TNRC6A: variants seen among roughly 807,000 people sequenced by gnomAD.
TNRC6A encodes the protein trinucleotide repeat containing adaptor 6A.
Under a neutral mutation model 221.2 loss-of-function variants are expected in TNRC6A, and 44 were observed. That is an observed-to-expected ratio of 0.20 (90% CI 0.16 to 0.26). TNRC6A has a LOEUF of 0.26. TNRC6A is among the 10% of genes least tolerant of loss of function. TNRC6A has a pLI of 1.00. For synonymous variants in TNRC6A, 847 were observed against 838.5 expected, an observed-to-expected ratio of 1.01 and a Z score of -0.18; for missense variants, 2,199 against 2,404.4, an observed-to-expected ratio of 0.91 and a Z score of 1.79.
chr16:24,797,473 T>C lies in TNRC6A; in HGVS notation c.3562-17T>C. On this transcript the variant is annotated splice_polypyrimidine_tract_variant and intron_variant, in intron 9 of 24. Transcript: ENST00000395799. Reference sequence around the variant, plus strand: ...GAGATGGCCATGGCATCTTTTCTACTCTTTTATTTTACAAAGGGAATGATG... The same window carrying C: ...GAGATGGCCATGGCATCTTTTCTACCCTTTTATTTTACAAAGGGAATGATG... 1.3e-6 allele frequency: 2 copies of C among 1,599,578 alleles called. No individual in the cohort carries two copies. The highest frequency in any genetic ancestry group is 2.7e-5 in the African/African-American group (2 of 74,448).
In TNRC6A at chr16:24,656,336, G is replaced by A. The variant is rs1412324535; in HGVS notation, n.402+15327G>A. Among the ~76,000 whole-genome samples the A allele has an allele frequency of 5.9e-5, 9 of 151,376 alleles. No individual in the cohort carries two copies. In the East Asian group the frequency reaches 9.7e-4, roughly 16 times the overall value. On this transcript the variant is annotated intron_variant and non_coding_transcript_variant, in intron 2 of 2. Coordinates refer to the TNRC6A transcript ENST00000566108. Reference sequence around the variant, plus strand: ...AAAAAAATTAGCTGGGCATGGTGGCGCATGCCTGTAATCCCAGCTACACAG... The same window carrying A: ...AAAAAAATTAGCTGGGCATGGTGGCACATGCCTGTAATCCCAGCTACACAG...
chr16:24,794,513 G>A, intron 7 of TNRC6A, 31 bp from the exon 8 acceptor site: 1 of 1,589,922 alleles, frequency 6.3e-7, no homozygotes, highest in Middle Eastern at 1.7e-4. Context: ...ATTAAAGTAT[G>A]TTTCTCTTTA....
chr16:24,744,489 TTCAC>T (rs757986373), intron 2 of TNRC6A, among the ~76,000 whole-genome samples: 6 of 152,330 alleles, frequency 3.9e-5, no homozygotes, highest in South Asian at 2.1e-4. Context: ...CTTCTCTCCA[TTCAC>T]TCACTCAATC....
At position 24,788,719 on chromosome 16, in the gene TNRC6A, G is replaced by A. The variant is rs903430443; in HGVS notation, c.590-513G>A. On this transcript the variant is annotated intron_variant, in intron 5 of 24. Coordinates refer to ENST00000395799, the MANE Select transcript of TNRC6A (RefSeq NM_014494.4). ...GCTGGAGTGCAGTGGCACTATCTCC[G>A]CTCACTGCAAGCTCCGCCTCCCGGG... Among the ~76,000 whole-genome samples, 5 of 146,826 alleles carry A rather than the reference G, an allele frequency of 3.4e-5. No homozygotes were observed. In the Admixed American group the frequency reaches 3.5e-4, roughly 10 times the overall value.
intron 21 of TNRC6A, chr16:24,819,838 C>CT (rs2152103482): frequency 6.1e-6 from 2 of 330,002 alleles, no homozygotes; most frequent in East Asian, 1.2e-4. Context: ...TTCACAATTG[C>CT]TATTTTAGAG....
intron 2 of TNRC6A, among the ~76,000 whole-genome samples, chr16:24,660,116 A>G (rs1229400054): frequency 2.0e-5 from 3 of 151,884 alleles, no homozygotes; most frequent in Admixed American, 2.0e-4. Flanking sequence ...GGGAACAGGT[A>G]GTGTTTGGTT....
chr16:24,815,560 T>C (rs2058639149), intron 19 of TNRC6A: 3 of 464,322 alleles, frequency 6.5e-6, no homozygotes, highest in South Asian at 2.1e-5. Context: ...TGAAGAATTA[T>C]ATTAAAAACT....
chr16:24,682,111 C>T (rs1253962121), intron 2 of TNRC6A, among the ~76,000 whole-genome samples: 2 of 152,194 alleles, frequency 1.3e-5, no homozygotes, highest in Non-Finnish European at 2.9e-5. Flanking sequence ...TGAAACTGGG[C>T]AGAATGCACA....
intron 19 of TNRC6A, 134 bp downstream of exon 19, chr16:24,815,439 G>T (rs745377592): frequency 9.6e-7 from 1 of 1,041,730 alleles, no homozygotes; most frequent in Non-Finnish European, 1.4e-6. Flanking sequence ...GAATGCAGAA[G>T]TGATTGAGGA....
intron 2 of TNRC6A, among the ~76,000 whole-genome samples, chr16:24,674,455 C>T (rs1254768782): frequency 2.0e-5 from 3 of 151,996 alleles, no homozygotes; most frequent in Admixed American, 1.3e-4. Flanking sequence ...AATGATTCAG[C>T]GTGCCCTAAA....
intron 2 of TNRC6A, among the ~76,000 whole-genome samples, chr16:24,693,086 G>T (rs2055788144): frequency 6.6e-6 from 1 of 152,134 alleles, no homozygotes; most frequent in Non-Finnish European, 1.5e-5. Context: ...TTAAGATGAT[G>T]TAGTGAGATA....
At chr16:24,722,660 C>G (rs962582937) in intron 2 of TNRC6A, among the ~76,000 whole-genome samples, 4 of 152,048 alleles carry the variant, frequency 2.6e-5, no homozygotes, top group Admixed American at 6.6e-5. Context: ...CCTTGAACTC[C>G]TGACCCCAAA....
chr16:24,687,911 C>CTTTTT (rs777639202), intron 2 of TNRC6A, among the ~76,000 whole-genome samples: 1 of 120,226 alleles, frequency 8.3e-6, no homozygotes, highest in Non-Finnish European at 1.7e-5. Context: ...CTTGGACATG[C>CTTTTT]TTCTTTTCTT....
chr16:24,652,319 C>A (rs1190847618), intron 2 of TNRC6A, among the ~76,000 whole-genome samples: 8 of 152,152 alleles, frequency 5.3e-5, no homozygotes, highest in Non-Finnish European at 1.0e-4. Flanking sequence ...TAAGTGTTAT[C>A]CCATGGCGTA....
intron 2 of TNRC6A, among the ~76,000 whole-genome samples, chr16:24,723,909 ACTATTTATAG>A (rs372202076): frequency 2.0e-4 from 31 of 152,304 alleles, no homozygotes; most frequent in African/African-American, 7.5e-4. Flanking sequence ...CACTGCTGTG[ACTATTTATAG>A]TAGTGATAGT....
intron 2 of TNRC6A, among the ~76,000 whole-genome samples, chr16:24,740,658 G>T (rs1013439118): frequency 6.6e-6 from 1 of 152,140 alleles, no homozygotes. Context: ...TGTGAAACAC[G>T]TAAAATTTAC....
intron 2 of TNRC6A, among the ~76,000 whole-genome samples, chr16:24,643,746 G>A (rs1347516841): frequency 5.3e-5 from 8 of 151,868 alleles, no homozygotes. Flanking sequence ...ACAATACAGT[G>A]GGGAAGAATT....
chr16:24,614,336 T>C (rs961056338), intron 1 of TNRC6A, among the ~76,000 whole-genome samples: 1 of 146,526 alleles, frequency 6.8e-6, no homozygotes, highest in African/African-American at 2.5e-5. Context: ...TGGAAAAAGA[T>C]ACCACTTGTT....
rs1000228653 is a variant in TNRC6A at position 24,816,751 on chromosome 16, ATATT to A, written c.4832-60_4832-57del. On this transcript the variant is annotated intron_variant, in intron 19 of 24. Coordinates refer to ENST00000395799, the MANE Select transcript of TNRC6A (RefSeq NM_014494.4). ...TAGGATTCAGGAATAAAGGTTTTGG[ATATT>A]TATTAATGGATTTTAAAATGATGAT... 107 of 1,546,560 alleles carry A rather than the reference ATATT, an allele frequency of 6.9e-5. 2 individuals are homozygous for A. Among genetic ancestry groups the A allele is most frequent in the South Asian group, 6.2e-4 (49 of 79,136 alleles).
Sources: gnomAD v4.1 joint callset for allele counts (sites outside exome capture counted in the v4.1 genomes callset) on GRCh38, gnomAD v4.1.1 for gene constraint, MANE v1.5 for transcripts, NCBI Gene and HGNC (gene_info 2026-07-23, HGNC 2026-07-21) for gene names.